SYT17: variants seen among roughly 807,000 people sequenced by gnomAD.
SYT17 encodes synaptotagmin-17.
A neutral mutation model predicts 46.7 loss-of-function variants in SYT17; 22 were observed. That is an observed-to-expected ratio of 0.47 (90% CI 0.34 to 0.67). The LOEUF is 0.67. Among genes scored for constraint, SYT17 ranks in the 30% least tolerant of loss-of-function variants. The probability of loss-of-function intolerance (pLI) is 0.01; values close to 1 mark genes in which losing one functional copy is unlikely to be tolerated. For synonymous variants in SYT17, 251 were observed against 248.4 expected (o/e 1.01, Z -0.10); for missense variants, 519 against 612.8 (o/e 0.85, Z 1.62).
At chr16:19,192,151 G>T (rs988261580) in intron 5 of SYT17, among the ~76,000 whole-genome samples, 5 of 152,224 alleles carry the variant, frequency 3.3e-5, no homozygotes, top group African/African-American at 1.2e-4. Context: ...CAGGCACGGT[G>T]CCTCACATCT....
At chr16:19,236,779 G>A (rs1466001837) in intron 7 of SYT17, among the ~76,000 whole-genome samples, 2 of 152,146 alleles carry the variant, frequency 1.3e-5, no homozygotes, top group African/African-American at 4.8e-5. Flanking sequence ...AAACAGTATA[G>A]CCAGCCAGAG....
In SYT17 at chr16:19,231,523, C is replaced by CAAAAAAAAAAAA. The variant is rs143448107; in HGVS notation, c.1228+6701_1228+6712dup. 2.2e-3 allele frequency among the ~76,000 whole-genome samples: 100 copies of CAAAAAAAAAAAA among 45,766 alleles called. 1 individual carries two copies. The highest frequency in any genetic ancestry group is 0.038 in the Middle Eastern group (1 of 26). 30.0% of individuals were successfully genotyped at this position (45,766 alleles called of 152,430 possible). The stretch of plus-strand genomic sequence containing the variant: ...GGGCAACAAGAGTGAAACTCCATCA[C>CAAAAAAAAAAAA]AAAAAAAAAAAAAAAAAAAAAAAAA... On this transcript the variant is annotated intron_variant, in intron 7 of 7. Coordinates refer to ENST00000355377, the MANE Select transcript of SYT17 (RefSeq NM_016524.4).
intron 5 of SYT17, among the ~76,000 whole-genome samples, chr16:19,210,572 A>T (rs572933582): frequency 7.9e-5 from 12 of 151,658 alleles, no homozygotes; most frequent in South Asian, 2.1e-4. Flanking sequence ...CTATGCAAAT[A>T]CAGGGTTGAG....
chr16:19,223,640 C>T (rs924919858), intron 6 of SYT17, among the ~76,000 whole-genome samples: 2 of 152,198 alleles, frequency 1.3e-5, no homozygotes, highest in Non-Finnish European at 2.9e-5. Flanking sequence ...ATTCCATCTG[C>T]ATGTTGCTTC....
At chr16:19,203,936 G>A (rs1040030652) in intron 5 of SYT17, among the ~76,000 whole-genome samples, 1 of 152,226 alleles carries the variant, frequency 6.6e-6, no homozygotes, top group Admixed American at 6.5e-5. Flanking sequence ...TAAGATTGAC[G>A]GAAGCGGAAG....
Position 19,256,225 on chromosome 16 carries a change from T to G in SYT17, c.1229-10655T>G, listed in dbSNP as rs1470840004. Among the ~76,000 whole-genome samples, 5 of 152,006 alleles carry G rather than the reference T, an allele frequency of 3.3e-5. No individual in the cohort carries two copies. In the South Asian group the frequency reaches 1.0e-3, roughly 32 times the overall value. On this transcript the variant is annotated intron_variant, in intron 7 of 7. Coordinates refer to ENST00000355377, the MANE Select transcript of SYT17 (RefSeq NM_016524.4). ...TTTTTCATAGCAACAGTCTTTAATA[T>G]AGGACATCTTCCCTCCTTATCTGCT...
At chr16:19,249,275 A>AAATAAATAAAT (rs373060647) in intron 7 of SYT17, among the ~76,000 whole-genome samples, 2 of 145,264 alleles carry the variant, frequency 1.4e-5, no homozygotes, top group Non-Finnish European at 1.5e-5. Flanking sequence ...CGCCGTCTCA[A>AAATAAATAAAT]AAATAAATAA....
chr16:19,267,461 T>G lies in SYT17; in HGVS notation c.*385T>G. On this transcript the variant is annotated 3_prime_UTR_variant, in exon 8 of 8. Coordinates refer to ENST00000355377, the MANE Select transcript of SYT17 (RefSeq NM_016524.4). Reference sequence around the variant, plus strand: ...TGCCAAGCTCCATCAAGACTAAATTTACCAAGAGTTTGGCCAGTGTGTGGG... The same window carrying G: ...TGCCAAGCTCCATCAAGACTAAATTGACCAAGAGTTTGGCCAGTGTGTGGG... 6.2e-6 allele frequency: 1 copy of G among 161,834 alleles called. No homozygotes were observed. Among genetic ancestry groups the G allele is most frequent in the Non-Finnish European group, 1.3e-5 (1 of 74,402 alleles). The allele number at this position is 161,834 out of a possible 1,614,324, so 10.0% of individuals were successfully genotyped here. A position where few individuals can be genotyped will look rare whatever the true frequency, so the allele number is the denominator to read the frequency against.
At chr16:19,184,486 C>T (rs574886897) in intron 5 of SYT17, among the ~76,000 whole-genome samples, 8 of 151,852 alleles carry the variant, frequency 5.3e-5, no homozygotes, top group Non-Finnish European at 1.0e-4. Flanking sequence ...CCCAGGTTCA[C>T]GCCATTCTCC....
At chr16:19,249,957 A>G in intron 7 of SYT17, 1 of 1,535,942 alleles carries the variant, frequency 6.5e-7, no homozygotes, top group Non-Finnish European at 8.7e-7. Context: ...ACAGCCCCAT[A>G]CCAGCCTGCG....
At chr16:19,223,750 A>C (rs1966406073) in intron 6 of SYT17, among the ~76,000 whole-genome samples, 1 of 152,190 alleles carries the variant, frequency 6.6e-6, no homozygotes, top group Non-Finnish European at 1.5e-5. Context: ...CGGTAGCTAA[A>C]ATAAATTACT....
chr16:19,198,644 G>A (rs2142722510), intron 5 of SYT17, among the ~76,000 whole-genome samples: 1 of 152,280 alleles, frequency 6.6e-6, no homozygotes, highest in Non-Finnish European at 1.5e-5. Flanking sequence ...GTGTTCCATT[G>A]AACATGAGGA....
Position 19,180,387 on chromosome 16 carries a change from A to G in SYT17, c.183-4A>G. On this transcript the variant is annotated splice_polypyrimidine_tract_variant and splice_region_variant and intron_variant, in intron 3 of 7. Coordinates refer to ENST00000355377, the MANE Select transcript of SYT17 (RefSeq NM_016524.4). ...AGCTACTGAGACCTCTTCCCTTCCT[A>G]TAGGATGGCCAGCCGGAGCAGTGAC... 2.5e-6 allele frequency: 4 copies of G among 1,613,964 alleles called. No individual in the cohort carries two copies. The highest frequency in any genetic ancestry group is 1.1e-5 in the South Asian group (1 of 91,066).
intron 7 of SYT17, 103 bp downstream of exon 7, chr16:19,224,941 T>C: frequency 8.1e-6 from 11 of 1,350,258 alleles, no homozygotes; most frequent in Non-Finnish European, 1.1e-5. Flanking sequence ...AAGAACGTAA[T>C]GTCTGGCATT....
At chr16:19,169,365 C>T (rs1034670641) in intron 1 of SYT17, among the ~76,000 whole-genome samples, 3 of 152,204 alleles carry the variant, frequency 2.0e-5, no homozygotes, top group Non-Finnish European at 4.4e-5. Flanking sequence ...GGTGAAAAGA[C>T]CTTTCTCCTC....
chr16:19,233,098 T>C (rs1404747627), intron 7 of SYT17, among the ~76,000 whole-genome samples: 1 of 152,196 alleles, frequency 6.6e-6, no homozygotes, highest in African/African-American at 2.4e-5. Context: ...GCCTCTACTG[T>C]TCCACCTCCC....
chr16:19,180,765 T>C (rs942233158), intron 4 of SYT17, among the ~76,000 whole-genome samples: 4 of 152,202 alleles, frequency 2.6e-5, no homozygotes, highest in African/African-American at 9.7e-5. Flanking sequence ...TGATTTTTGC[T>C]TTATTAATTT....
intron 1 of SYT17, chr16:19,171,894 T>A (rs1175287891): frequency 6.6e-6 from 1 of 152,100 alleles, no homozygotes; most frequent in Non-Finnish European, 1.5e-5. Context: ...GGGTGGAAAT[T>A]GGTAAGTGGT....
At chr16:19,203,905 C>T (rs1965564498) in intron 5 of SYT17, among the ~76,000 whole-genome samples, 5 of 152,162 alleles carry the variant, frequency 3.3e-5, no homozygotes, top group African/African-American at 1.2e-4. Flanking sequence ...ATAGTTTTAC[C>T]GTGTGGGCAA....
Sources: gnomAD v4.1 joint callset for allele counts (sites outside exome capture counted in the v4.1 genomes callset) on GRCh38, gnomAD v4.1.1 for gene constraint, MANE v1.5 for transcripts, NCBI Gene and HGNC (gene_info 2026-07-23, HGNC 2026-07-21) for gene names.